SGCZ: variants seen among roughly 807,000 people sequenced by gnomAD.
The protein encoded by SGCZ is zeta-sarcoglycan.
In SGCZ, 40 loss-of-function variants were observed where a neutral mutation model predicts 41.3. The observed-to-expected ratio is 0.97, with a 90% CI of 0.75 to 1.26. SGCZ has a LOEUF of 1.26. SGCZ is among the 50% of genes most tolerant of loss of function. SGCZ has a pLI of 0.00. For missense variants in SGCZ, 552 were observed against 369.8 expected (o/e 1.49, Z -4.04); for synonymous variants, 206 against 137.5 (o/e 1.50, Z -3.49).
chr8:14,248,076 T>C (rs1004795849), intron 3 of SGCZ, among the ~76,000 whole-genome samples: 8 of 152,204 alleles, frequency 5.3e-5, no homozygotes, highest in African/African-American at 1.7e-4. Flanking sequence ...GAATTAGATA[T>C]TTTAAATCAC....
At chr8:14,611,216 T>G (rs573605599) in intron 1 of SGCZ, among the ~76,000 whole-genome samples, 1 of 152,296 alleles carries the variant, frequency 6.6e-6, no homozygotes, top group South Asian at 2.1e-4. Flanking sequence ...GAGTCTTTCC[T>G]CTATCCTTTT....
At chr8:14,681,798 C>G (rs1808454894) in intron 1 of SGCZ, among the ~76,000 whole-genome samples, 1 of 152,006 alleles carries the variant, frequency 6.6e-6, no homozygotes, top group Admixed American at 6.6e-5. Flanking sequence ...TTTTAATGTT[C>G]TCCTCTTGCA....
At chr8:14,630,912 C>G (rs528019779) in intron 1 of SGCZ, among the ~76,000 whole-genome samples, 27 of 151,690 alleles carry the variant, frequency 1.8e-4, no homozygotes, top group African/African-American at 6.5e-4. Flanking sequence ...AGGAGATATA[C>G]CTAATGTAAA....
At chr8:14,312,898 T>C (rs1172121185) in intron 3 of SGCZ, among the ~76,000 whole-genome samples, 2 of 152,142 alleles carry the variant, frequency 1.3e-5, no homozygotes, top group Non-Finnish European at 2.9e-5. Context: ...GTCAAGAATG[T>C]TTCCCAGAAC....
At chr8:14,147,853 A>C (rs1012832471) in intron 5 of SGCZ, among the ~76,000 whole-genome samples, 1 of 152,166 alleles carries the variant, frequency 6.6e-6, no homozygotes, top group African/African-American at 2.4e-5. Context: ...AAATAATGTC[A>C]AGCATATTCC....
chr8:14,536,620 AT>A (rs896462812), intron 2 of SGCZ, among the ~76,000 whole-genome samples: 1 of 151,770 alleles, frequency 6.6e-6, no homozygotes, highest in Non-Finnish European at 1.5e-5. Flanking sequence ...TTGACTGGTG[AT>A]TTTTTTTCCC....
intron 2 of SGCZ, among the ~76,000 whole-genome samples, chr8:14,469,823 G>C (rs1393712372): frequency 6.6e-6 from 1 of 152,160 alleles, no homozygotes; most frequent in Non-Finnish European, 1.5e-5. Context: ...CTTCTGAAGA[G>C]CTGAACACAT....
chr8:15,108,330 G>A (rs1375582694), intron 1 of SGCZ, among the ~76,000 whole-genome samples: 1 of 152,152 alleles, frequency 6.6e-6, no homozygotes, highest in Non-Finnish European at 1.5e-5. Context: ...GCAGAGGTAG[G>A]TCTGAGGTTG....
intron 1 of SGCZ, among the ~76,000 whole-genome samples, chr8:15,093,515 A>AT (rs1251509874): frequency 6.6e-6 from 1 of 152,106 alleles, no homozygotes; most frequent in Non-Finnish European, 1.5e-5. Flanking sequence ...CATTGTTTTT[A>AT]TTTTTTTCAT....
chr8:15,050,410 G>C (rs1169147797), intron 1 of SGCZ, among the ~76,000 whole-genome samples: 2 of 152,164 alleles, frequency 1.3e-5, no homozygotes, highest in East Asian at 3.9e-4. Context: ...GGATCGCCTG[G>C]AGAGTGTACA....
At chr8:15,061,783 C>A (rs1313619165) in intron 1 of SGCZ, among the ~76,000 whole-genome samples, 2 of 152,052 alleles carry the variant, frequency 1.3e-5, no homozygotes, top group Non-Finnish European at 2.9e-5. Context: ...AGATAAATTT[C>A]TATCATTTAT....
chr8:14,230,125 G>A (rs1206146459), intron 4 of SGCZ, among the ~76,000 whole-genome samples: 1 of 152,042 alleles, frequency 6.6e-6, no homozygotes, highest in Non-Finnish European at 1.5e-5. Flanking sequence ...CAGGATAATT[G>A]AATATTGAGG....
At chr8:14,891,097 C>T (rs933939548) in intron 1 of SGCZ, among the ~76,000 whole-genome samples, 1 of 152,164 alleles carries the variant, frequency 6.6e-6, no homozygotes, top group Non-Finnish European at 1.5e-5. Context: ...ATTAATGTTT[C>T]CATGCCTGCA....
At chr8:14,515,599 G>A (rs762232170) in intron 2 of SGCZ, among the ~76,000 whole-genome samples, 9 of 152,070 alleles carry the variant, frequency 5.9e-5, no homozygotes, top group Non-Finnish European at 1.3e-4. Context: ...TATTTGAAAT[G>A]TAAAGCAGAA....
Position 14,382,132 on chromosome 8 carries a change from G to T in SGCZ, c.235-57928C>A, listed in dbSNP as rs775045652. Among the ~76,000 whole-genome samples the T allele has an allele frequency of 1.9e-3, 280 of 147,662 alleles. 1 individual carries two copies. The highest frequency in any genetic ancestry group is 2.3e-3 in the Non-Finnish European group (157 of 66,822). The stretch of plus-strand genomic sequence containing the variant: ...ACACACTGATGAAAGGGACCACAGG[G>T]ATGTACTGTTTGTGGAACAAATTTT... On this transcript the variant is annotated intron_variant, in intron 2 of 7. Transcript: ENST00000382080.
chr8:14,719,596 G>A (rs1424958939), intron 1 of SGCZ, among the ~76,000 whole-genome samples: 1 of 152,042 alleles, frequency 6.6e-6, no homozygotes, highest in Non-Finnish European at 1.5e-5. Flanking sequence ...GCATTTCCCT[G>A]ATGGCCAGAG....
intron 3 of SGCZ, among the ~76,000 whole-genome samples, chr8:14,299,560 C>T (rs947381933): frequency 2.0e-5 from 3 of 151,878 alleles, no homozygotes; most frequent in Non-Finnish European, 4.4e-5. Flanking sequence ...TAAAAGAGTG[C>T]TCAACATCAT....
chr8:14,401,027 A>G (rs566571771), intron 2 of SGCZ, among the ~76,000 whole-genome samples: 2 of 152,292 alleles, frequency 1.3e-5, no homozygotes, highest in African/African-American at 4.8e-5. Flanking sequence ...ACAATTCACT[A>G]TAAGCAGGCC....
rs180748179 is a variant in SGCZ, at chr8:14,769,702, G to A, written c.40-214776C>T. Among the ~76,000 whole-genome samples the A allele has an allele frequency of 2.7e-3, 392 of 146,912 alleles. 5 individuals are homozygous for A. The highest frequency in any genetic ancestry group is 8.9e-3 in the African/African-American group (349 of 39,030). ...AGCTACTCAGGAGGCTGAGTCAGGAGAATCATCACTTAAACCTGGGAGGCA... is the reference window on the plus strand; with the variant it reads ...AGCTACTCAGGAGGCTGAGTCAGGAAAATCATCACTTAAACCTGGGAGGCA... On this transcript the variant is annotated intron_variant, in intron 1 of 7. Coordinates refer to ENST00000382080, the MANE Select transcript of SGCZ (RefSeq NM_139167.4).
Sources: gnomAD v4.1 joint callset for allele counts (sites outside exome capture counted in the v4.1 genomes callset) on GRCh38, gnomAD v4.1.1 for gene constraint, MANE v1.5 for transcripts, NCBI Gene and HGNC (gene_info 2026-07-23, HGNC 2026-07-21) for gene names.